Variants in PSMA1 observed in about 807,000 individuals in gnomAD.
The protein encoded by PSMA1 is proteasome 20S subunit alpha 1.
A neutral mutation model predicts 38.4 loss-of-function variants in PSMA1; 3 were observed. The observed-to-expected ratio is 0.08, with a 90% CI of 0.04 to 0.20. PSMA1 has a LOEUF of 0.20. PSMA1 is among the 10% of genes least tolerant of loss of function. The probability of loss-of-function intolerance (pLI) is 1.00; values close to 1 mark genes in which losing one functional copy is unlikely to be tolerated. For missense variants in PSMA1, 227 were observed against 325.3 expected (o/e 0.70, Z 2.32); for synonymous variants, 101 against 107.1 (o/e 0.94, Z 0.35).
At chr11:14,518,338 A>G (rs1249692246) in intron 2 of PSMA1, among the ~76,000 whole-genome samples, 1 of 152,174 alleles carries the variant, frequency 6.6e-6, no homozygotes, top group African/African-American at 2.4e-5. Context: ...GACTCAAGCA[A>G]TCTACCTTCC....
At chr11:14,602,015 C>T (rs1293543174) in intron 2 of PSMA1, among the ~76,000 whole-genome samples, 1 of 152,200 alleles carries the variant, frequency 6.6e-6, no homozygotes, top group East Asian at 1.9e-4. Flanking sequence ...ATAGAGCCCT[C>T]ATTGGTTCCT....
chr11:14,631,774 T>C (rs1370944261), intron 1 of PSMA1, among the ~76,000 whole-genome samples: 2 of 152,232 alleles, frequency 1.3e-5, no homozygotes, highest in East Asian at 3.9e-4. Context: ...GGTGTTAAAA[T>C]CTCCCATTAT....
intron 1 of PSMA1, among the ~76,000 whole-genome samples, chr11:14,615,258 C>T (rs369557700): frequency 1.2e-3 from 183 of 152,328 alleles, no homozygotes; most frequent in Admixed American, 4.0e-3. Flanking sequence ...TTAGTCCCTT[C>T]GCTTCTGTGC....
At chr11:14,616,160 G>A (rs1034807163) in intron 1 of PSMA1, among the ~76,000 whole-genome samples, 1 of 151,618 alleles carries the variant, frequency 6.6e-6, no homozygotes. Context: ...AAAGGGCAAC[G>A]ACTGTAAGAA....
intron 1 of PSMA1, among the ~76,000 whole-genome samples, chr11:14,632,137 C>A (rs1473402502): frequency 1.4e-5 from 2 of 143,578 alleles, no homozygotes; most frequent in Non-Finnish European, 3.0e-5. Context: ...CAGTCTGTGT[C>A]TTTTAATTGG....
intron 2 of PSMA1, among the ~76,000 whole-genome samples, chr11:14,584,925 G>T (rs371183307): frequency 1.2e-4 from 19 of 152,292 alleles, no homozygotes; most frequent in African/African-American, 4.3e-4. Flanking sequence ...CATGGTTAAA[G>T]GGACTGGAAT....
At chr11:14,533,074 G>T (rs151191875) in intron 2 of PSMA1, among the ~76,000 whole-genome samples, 6 of 152,220 alleles carry the variant, frequency 3.9e-5, no homozygotes, top group African/African-American at 1.4e-4. Context: ...TATACATCGT[G>T]TGTACATATG....
At chr11:14,548,698 A>G (rs1375603576) in intron 2 of PSMA1, among the ~76,000 whole-genome samples, 1 of 152,224 alleles carries the variant, frequency 6.6e-6, no homozygotes, top group African/African-American at 2.4e-5. Context: ...TATCACACAG[A>G]CACATACATC....
chr11:14,603,766 A>T (rs1852612164), intron 2 of PSMA1, among the ~76,000 whole-genome samples: 1 of 152,254 alleles, frequency 6.6e-6, no homozygotes, highest in Non-Finnish European at 1.5e-5. Context: ...AAACAAATTA[A>T]GTATTTATAC....
chr11:14,519,621 G>A (rs1851493014), intron 1 of PSMA1, among the ~76,000 whole-genome samples: 1 of 152,140 alleles, frequency 6.6e-6, no homozygotes, highest in African/African-American at 2.4e-5. Context: ...AAAGTTAGAG[G>A]TGGACACAAA....
intron 2 of PSMA1, 31 bp from the exon 3 acceptor site, chr11:14,518,012 C>T: frequency 7.1e-7 from 1 of 1,410,026 alleles, no homozygotes; most frequent in Admixed American, 2.2e-5. Context: ...AAACACACAT[C>T]TTAGAAGATC....
chr11:14,568,733 C>T (rs983159021), intron 2 of PSMA1, among the ~76,000 whole-genome samples: 1 of 152,222 alleles, frequency 6.6e-6, no homozygotes, highest in African/African-American at 2.4e-5. Context: ...TCTTAGGGAG[C>T]TCTTAGTGTC....
chr11:14,606,685 G>C (rs1404974140), intron 2 of PSMA1, among the ~76,000 whole-genome samples: 1 of 152,106 alleles, frequency 6.6e-6, no homozygotes, highest in Non-Finnish European at 1.5e-5. Flanking sequence ...GAGAGGCTAA[G>C]GACTTTTTCT....
At chr11:14,624,352 GGT>G (rs1189489371) in intron 1 of PSMA1, among the ~76,000 whole-genome samples, 2 of 152,152 alleles carry the variant, frequency 1.3e-5, no homozygotes, top group African/African-American at 4.8e-5. Flanking sequence ...TTGCAACTGT[GGT>G]AGATGACATG....
At chr11:14,510,756 T>G in intron 8 of PSMA1, 116 bp downstream of exon 8, 1 of 590,558 alleles carries the variant, frequency 1.7e-6, no homozygotes, top group Non-Finnish European at 2.7e-6. Flanking sequence ...GAAAAGAATC[T>G]GCCAAGACAA....
At chr11:14,531,928 C>T (rs374414345) in intron 2 of PSMA1, among the ~76,000 whole-genome samples, 94 of 152,212 alleles carry the variant, frequency 6.2e-4, no homozygotes, top group African/African-American at 2.2e-3. Flanking sequence ...TACCTTCTCC[C>T]GCTCCATGTT....
intron 2 of PSMA1, among the ~76,000 whole-genome samples, chr11:14,608,961 C>T (rs900257984): frequency 3.3e-5 from 5 of 151,960 alleles, no homozygotes; most frequent in African/African-American, 9.7e-5. Context: ...CTTGTCTTTC[C>T]TCATTTCTTA....
intron 1 of PSMA1, 93 bp downstream of exon 1, chr11:14,520,204 G>A (rs372154474): frequency 6.6e-5 from 105 of 1,580,732 alleles, no homozygotes; most frequent in Admixed American, 1.7e-4. Flanking sequence ...TCGTGGCACC[G>A]GGCGACGCTA....
chr11:14,586,454 T>A (rs1852346104), intron 2 of PSMA1, among the ~76,000 whole-genome samples: 2 of 151,840 alleles, frequency 1.3e-5, no homozygotes, highest in South Asian at 4.2e-4. Context: ...GAAATGCAGA[T>A]AAATGATGTG....
Sources: gnomAD v4.1 joint callset for allele counts (sites outside exome capture counted in the v4.1 genomes callset) on GRCh38, gnomAD v4.1.1 for gene constraint, MANE v1.5 for transcripts, NCBI Gene and HGNC (gene_info 2026-07-23, HGNC 2026-07-21) for gene names.